Variants in SLFN11 observed in about 807,000 individuals in gnomAD.
The protein encoded by SLFN11 is schlafen family member 11.
SLFN11 carries 43 observed loss-of-function variants against 53.4 expected under a neutral mutation model. The ratio of observed to expected loss-of-function variants is 0.80; its 90% confidence interval spans 0.63 to 1.04. SLFN11 has a LOEUF of 1.04. SLFN11 is among the 50% of genes least tolerant of loss of function. The pLI is 0.00. For missense variants in SLFN11, 990 were observed against 1,079.1 expected (o/e 0.92, Z 1.16); for synonymous variants, 389 against 394.7 (o/e 0.99, Z 0.17).
Position 35,355,723 on chromosome 17 carries a change from G to C in SLFN11, c.1199-1664C>G, listed in dbSNP as rs188515035. Among the ~76,000 whole-genome samples, 48 of 152,188 alleles carry C rather than the reference G, an allele frequency of 3.2e-4. 1 individual carries two copies. Among genetic ancestry groups the C allele is most frequent in the Non-Finnish European group, 1.9e-4 (13 of 68,004 alleles). ...AACAGTAATGATAGGGACCAGACTA[G>C]GTGTTCAATTAATGCCATCATTCCA... is the stretch of plus-strand genomic sequence containing the variant. On this transcript the variant is annotated intron_variant, in intron 5 of 6. Coordinates refer to ENST00000685675, the MANE Select transcript of SLFN11 (RefSeq NM_001376007.1).
chr17:35,370,582 G>C (rs1431374735), intron 1 of SLFN11, among the ~76,000 whole-genome samples: 1 of 151,964 alleles, frequency 6.6e-6, no homozygotes, highest in Non-Finnish European at 1.5e-5. Flanking sequence ...AAAACCTAAA[G>C]ACTATACCAG....
intron 2 of SLFN11, 187 bp downstream of exon 2, chr17:35,367,416 T>A (rs1909088878): frequency 6.6e-6 from 1 of 152,124 alleles, no homozygotes; most frequent in South Asian, 2.1e-4. Flanking sequence ...GGAATTATAA[T>A]CAGCATCACT....
chr17:35,369,589 G>C (rs1390272198), intron 1 of SLFN11, among the ~76,000 whole-genome samples: 1 of 152,034 alleles, frequency 6.6e-6, no homozygotes, highest in East Asian at 1.9e-4. Context: ...CCTGTTGATT[G>C]TTTGAAAAGA....
intron 5 of SLFN11, among the ~76,000 whole-genome samples, chr17:35,357,775 A>C (rs538314672): frequency 6.9e-6 from 1 of 145,326 alleles, no homozygotes; most frequent in African/African-American, 2.5e-5. Context: ...ATAATATATA[A>C]ATATGAAATA....
intron 1 of SLFN11, among the ~76,000 whole-genome samples, chr17:35,372,107 A>T (rs1249507847): frequency 6.6e-6 from 1 of 152,172 alleles, no homozygotes; most frequent in Non-Finnish European, 1.5e-5. Flanking sequence ...AAAGAAAATG[A>T]TGTGCATATA....
At chr17:35,370,679 A>G (rs537110839) in intron 1 of SLFN11, among the ~76,000 whole-genome samples, 2 of 152,256 alleles carry the variant, frequency 1.3e-5, no homozygotes, top group African/African-American at 4.8e-5. Context: ...CTATATACCA[A>G]TAGTGAACAA....
At chr17:35,364,448 T>C (rs1908688766) in intron 3 of SLFN11, among the ~76,000 whole-genome samples, 1 of 152,096 alleles carries the variant, frequency 6.6e-6, no homozygotes, top group Non-Finnish European at 1.5e-5. Flanking sequence ...AGAGCCAAGG[T>C]GTCTAATACT....
At chr17:35,354,152 A>T (rs1379976959) in intron 5 of SLFN11, 93 bp from the exon 6 acceptor site, 3 of 1,117,408 alleles carry the variant, frequency 2.7e-6, no homozygotes, top group Non-Finnish European at 3.6e-6. Flanking sequence ...TAACTAAATG[A>T]TTACTTATAG....
intron 1 of SLFN11, among the ~76,000 whole-genome samples, chr17:35,369,022 G>T (rs906353268): frequency 6.6e-6 from 1 of 152,044 alleles, no homozygotes; most frequent in Non-Finnish European, 1.5e-5. Context: ...TGGGTCTTGG[G>T]TGAGACTCTG....
intron 5 of SLFN11, among the ~76,000 whole-genome samples, chr17:35,354,306 T>G (rs1395555672): frequency 6.6e-6 from 1 of 152,154 alleles, no homozygotes; most frequent in Non-Finnish European, 1.5e-5. Flanking sequence ...AAGACTTTGC[T>G]GTCTCATCTG....
rs2141922306 is a variant in SLFN11 at position 35,352,905 on chromosome 17, TGA to T, written c.2155_2156del (p.Ser719ArgfsTer30). ...HLDCSGLPPL[S>X]DQYPREELTR... ...TGAGCTCTTCTCTTGGATATTGGTC[TGA>T]GAGAGGAGGGAGGCCACTGCAATCC... is the stretch of plus-strand genomic sequence containing the variant. On this transcript the variant is annotated frameshift_variant, in exon 7 of 7. Coordinates refer to ENST00000685675, the MANE Select transcript of SLFN11 (RefSeq NM_001376007.1). LOFTEE classifies it low-confidence loss of function (END_TRUNC). 1.2e-6 allele frequency: 2 copies of T among 1,614,196 alleles called. No homozygotes were observed. Among genetic ancestry groups the T allele is most frequent in the South Asian group, 1.1e-5 (1 of 91,088 alleles).
chr17:35,357,387 T>C (rs1821124723), intron 5 of SLFN11, among the ~76,000 whole-genome samples: 1 of 152,078 alleles, frequency 6.6e-6, no homozygotes, highest in African/African-American at 2.4e-5. Flanking sequence ...TCTTGATTTT[T>C]TTAAGTCTAA....
intron 5 of SLFN11, chr17:35,359,898 C>T (rs750337867): frequency 6.6e-5 from 14 of 212,046 alleles, no homozygotes; most frequent in Middle Eastern, 3.4e-3. Flanking sequence ...AAGCCACTCT[C>T]CCCACATATT....
Position 35,363,340 on chromosome 17 carries a change from C to T in SLFN11, c.468G>A (p.Arg156=). Residue 156 remains arginine (R), a synonymous_variant, in exon 4 of 7, where the codon AGG becomes AGA. Transcript: ENST00000685675. ...REAFCFLKTK[R]KPKILEEGPF... ...GTCCTTCTTCCAAGATTTTTGGCTT[C>T]CTTTTGGTCTTCAGGAAACAGAATG... 6.2e-7 allele frequency: 1 copy of T among 1,613,948 alleles called. No individual in the cohort carries two copies. Among genetic ancestry groups the T allele is most frequent in the Non-Finnish European group, 8.5e-7 (1 of 1,179,984 alleles).
rs760202487 is a variant in SLFN11, at chr17:35,362,696, G to A, written c.1069+43C>T. On this transcript the variant is annotated intron_variant, in intron 4 of 6. Coordinates refer to ENST00000685675, the MANE Select transcript of SLFN11 (RefSeq NM_001376007.1). Reference sequence around the variant, plus strand: ...GAAAATTTAATATGGGAGGTCCCAAGGATGTAGAAAGGACAGGGAGGGAGG... The same window carrying A: ...GAAAATTTAATATGGGAGGTCCCAAAGATGTAGAAAGGACAGGGAGGGAGG... The A allele has an allele frequency of 2.0e-6, 3 of 1,464,220 alleles. No individual in the cohort carries two copies. The African/African-American group carries it at 4.2e-5, about 21-fold the overall frequency. The allele number at this position is 1,464,220 out of a possible 1,614,324, so 90.7% of individuals were successfully genotyped here.
chr17:35,354,177 AT>A, intron 5 of SLFN11, 118 bp from the exon 6 acceptor site: 1 of 773,950 alleles, frequency 1.3e-6, no homozygotes. Flanking sequence ...TTCAAATACT[AT>A]TTTATAAATA....
Position 35,352,254 on chromosome 17 carries a change from C to T in SLFN11, c.*102G>A. On this transcript the variant is annotated 3_prime_UTR_variant, in exon 7 of 7. Coordinates refer to ENST00000685675, the MANE Select transcript of SLFN11 (RefSeq NM_001376007.1). Reference sequence around the variant, plus strand: ...GGGAGCTCCAAACTCTTTGTGTCAGCTCCGTCCAAATCTCTGACTTGTGAA... The same window carrying T: ...GGGAGCTCCAAACTCTTTGTGTCAGTTCCGTCCAAATCTCTGACTTGTGAA... The T allele has an allele frequency of 1.4e-6, 2 of 1,440,150 alleles. No homozygotes were observed. The highest frequency in any genetic ancestry group is 1.9e-6 in the Non-Finnish European group (2 of 1,056,944). 89.2% of individuals were successfully genotyped at this position (1,440,150 alleles called of 1,614,324 possible). A position where few individuals can be genotyped will look rare whatever the true frequency, so the allele number is the denominator to read the frequency against.
intron 5 of SLFN11, among the ~76,000 whole-genome samples, chr17:35,354,397 C>T (rs925909882): frequency 8.5e-5 from 13 of 152,112 alleles, no homozygotes; most frequent in African/African-American, 1.2e-4. Flanking sequence ...ATTGTAGCTG[C>T]TTGAGAAATG....
In SLFN11 at chr17:35,363,031, T is replaced by C; in HGVS notation, c.777A>G (p.Gly259=). 1.9e-6 allele frequency: 3 copies of C among 1,614,014 alleles called. No individual in the cohort carries two copies. The highest frequency in any genetic ancestry group is 1.1e-5 in the South Asian group (1 of 91,076). The change falls in exon 4 of 7, where the codon GGA becomes GGG. Residue 259 remains glycine (G), a synonymous_variant. Coordinates refer to ENST00000685675, the MANE Select transcript of SLFN11 (RefSeq NM_001376007.1). ...GVDDKSREVL[G]CAKENVDPDS... ...CAGGGTCAACATTTTCTTTTGCACA[T>C]CCCAGGACTTCCCTACTCTTATCAT...
Sources: allele counts gnomAD v4.1 joint callset (sites outside exome capture counted in the v4.1 genomes callset), GRCh38; gene constraint gnomAD v4.1.1; transcripts MANE v1.5; gene names NCBI Gene and HGNC (gene_info 2026-07-23, HGNC 2026-07-21).